MAGI2: variants seen among roughly 807,000 people sequenced by gnomAD.
MAGI2 encodes the protein membrane-associated guanylate kinase, WW and PDZ domain-containing protein 2.
Under a neutral mutation model 133.3 loss-of-function variants are expected in MAGI2, and 35 were observed. That is an observed-to-expected ratio of 0.26 (90% CI 0.20 to 0.35). MAGI2 has a LOEUF of 0.35. MAGI2 is among the 10% of genes least tolerant of loss of function. MAGI2 has a pLI of 1.00. For missense variants in MAGI2, 1,636 were observed against 1,863.4 expected (o/e 0.88, Z 2.25); for synonymous variants, 729 against 710.6 (o/e 1.03, Z -0.41).
intron 1 of MAGI2, among the ~76,000 whole-genome samples, chr7:79,043,960 T>C (rs948423261): frequency 1.3e-5 from 2 of 152,092 alleles, no homozygotes; most frequent in African/African-American, 2.4e-5. Flanking sequence ...GAAAAAGCCC[T>C]GGACTAGATG....
chr7:78,635,236 C>T (rs1199998034), intron 2 of MAGI2, among the ~76,000 whole-genome samples: 4 of 152,180 alleles, frequency 2.6e-5, no homozygotes, highest in African/African-American at 9.7e-5. Flanking sequence ...CTGGGAGTGC[C>T]AATGGAATTT....
intron 2 of MAGI2, among the ~76,000 whole-genome samples, chr7:78,861,441 C>T (rs1326599560): frequency 6.6e-6 from 1 of 152,206 alleles, no homozygotes; most frequent in South Asian, 2.1e-4. Context: ...CCTCTTCTCA[C>T]TTACTCTTCT....
At chr7:79,298,119 A>G (rs1377459178) in intron 1 of MAGI2, among the ~76,000 whole-genome samples, 3 of 152,188 alleles carry the variant, frequency 2.0e-5, no homozygotes, top group African/African-American at 7.2e-5. Flanking sequence ...TCAACATTTT[A>G]TCAGAGAACG....
chr7:79,294,026 T>A (rs1449423158), intron 1 of MAGI2, among the ~76,000 whole-genome samples: 1 of 151,700 alleles, frequency 6.6e-6, no homozygotes, highest in African/African-American at 2.4e-5. Context: ...CTACTTAAAA[T>A]ATAAAAATTA....
chr7:78,703,841 C>T (rs1256341681), intron 2 of MAGI2, among the ~76,000 whole-genome samples: 1 of 151,702 alleles, frequency 6.6e-6, no homozygotes, highest in Non-Finnish European at 1.5e-5. Flanking sequence ...CAAACACACA[C>T]ACACACACTT....
chr7:78,970,349 C>A lies in MAGI2; in HGVS notation c.418+36741G>T, dbSNP rs149265946. 1.9e-3 allele frequency among the ~76,000 whole-genome samples: 292 copies of A among 152,142 alleles called. 3 individuals carry two copies. The highest frequency in any genetic ancestry group is 6.8e-3 in the African/African-American group (282 of 41,538). ...TAAGAGATATTTGTTGAGATTCCAGCAACTTGCCTATGTCTTATTTTGCTT... is the reference window on the plus strand; with the variant it reads ...TAAGAGATATTTGTTGAGATTCCAGAAACTTGCCTATGTCTTATTTTGCTT... On this transcript the variant is annotated intron_variant, in intron 2 of 21. Coordinates refer to ENST00000354212, the MANE Select transcript of MAGI2 (RefSeq NM_012301.4).
intron 1 of MAGI2, chr7:79,415,168 C>T (rs1217194261): frequency 6.6e-6 from 1 of 152,140 alleles, no homozygotes; most frequent in Non-Finnish European, 1.5e-5. Context: ...TAAGAAAAAG[C>T]TATGAATTCA....
At chr7:79,076,727 A>G (rs1487596094) in intron 1 of MAGI2, among the ~76,000 whole-genome samples, 1 of 152,208 alleles carries the variant, frequency 6.6e-6, no homozygotes, top group African/African-American at 2.4e-5. Flanking sequence ...TTCGACCCCT[A>G]AAGAACTAAC....
chr7:79,114,788 C>G (rs1411915649), intron 1 of MAGI2, among the ~76,000 whole-genome samples: 1 of 152,136 alleles, frequency 6.6e-6, no homozygotes, highest in East Asian at 1.9e-4. Context: ...TTCTCACCAC[C>G]ACACTGCTTG....
At chr7:79,398,237 G>C (rs1449491501) in intron 1 of MAGI2, among the ~76,000 whole-genome samples, 1 of 152,128 alleles carries the variant, frequency 6.6e-6, no homozygotes, top group Non-Finnish European at 1.5e-5. Context: ...GTGAAATTAG[G>C]TCATCAGGAG....
chr7:78,795,492 T>C (rs994428320), intron 2 of MAGI2, among the ~76,000 whole-genome samples: 22 of 151,972 alleles, frequency 1.4e-4, no homozygotes, highest in African/African-American at 5.3e-4. Flanking sequence ...ACTTGAGAAG[T>C]GACACATCTC....
chr7:78,292,610 G>T (rs1383899632), intron 9 of MAGI2, among the ~76,000 whole-genome samples: 1 of 152,198 alleles, frequency 6.6e-6, no homozygotes, highest in African/African-American at 2.4e-5. Flanking sequence ...AACCAAAAAA[G>T]AGCCCACATT....
intron 6 of MAGI2, among the ~76,000 whole-genome samples, chr7:78,393,990 A>G (rs1376358520): frequency 6.6e-6 from 1 of 152,096 alleles, no homozygotes; most frequent in Non-Finnish European, 1.5e-5. Context: ...AAGCTAGAGA[A>G]CCAGAAAAGC....
At chr7:78,501,465 C>A in intron 5 of MAGI2, 112 bp downstream of exon 5, 1 of 945,840 alleles carries the variant, frequency 1.1e-6, no homozygotes, top group Non-Finnish European at 1.6e-6. Context: ...AAGCTGTTAC[C>A]AGAATTTCAT....
intron 10 of MAGI2, among the ~76,000 whole-genome samples, chr7:78,233,379 G>C (rs1168090194): frequency 6.6e-6 from 1 of 152,128 alleles, no homozygotes; most frequent in Non-Finnish European, 1.5e-5. Flanking sequence ...GAAGAAATGA[G>C]AAATATTCAT....
At chr7:78,935,889 G>A (rs536342262) in intron 2 of MAGI2, among the ~76,000 whole-genome samples, 186 of 152,162 alleles carry the variant, frequency 1.2e-3, no homozygotes, top group African/African-American at 4.1e-3. Flanking sequence ...TAATGTTCCA[G>A]AATTGCCCAT....
intron 1 of MAGI2, among the ~76,000 whole-genome samples, chr7:79,064,149 G>T (rs1002549709): frequency 6.6e-6 from 1 of 151,872 alleles, no homozygotes; most frequent in Non-Finnish European, 1.5e-5. Flanking sequence ...TGCTTTCTTT[G>T]TACTACAGAG....
At position 78,955,660 on chromosome 7, in the gene MAGI2, C is replaced by T. The variant is rs187563122; in HGVS notation, c.418+51430G>A. Among the ~76,000 whole-genome samples, 12 of 149,628 alleles carry T rather than the reference C, an allele frequency of 8.0e-5. No individual in the cohort carries two copies. The East Asian group carries it at 1.8e-3, about 22-fold the overall frequency. On this transcript the variant is annotated intron_variant, in intron 2 of 21. Coordinates refer to ENST00000354212, the MANE Select transcript of MAGI2 (RefSeq NM_012301.4). ...CTCCTTTTCTCTCTCTCTCTCCCTT[C>T]CTTCTTTCCTTCCTTCCTCCCTCCC...
At chr7:78,111,001 A>G (rs1364476079) in intron 20 of MAGI2, among the ~76,000 whole-genome samples, 2 of 152,204 alleles carry the variant, frequency 1.3e-5, no homozygotes, top group Non-Finnish European at 2.9e-5. Context: ...TCTGATGAAA[A>G]TGGAAAGTAG....
Sources: allele counts gnomAD v4.1 joint callset (sites outside exome capture counted in the v4.1 genomes callset), GRCh38; gene constraint gnomAD v4.1.1; transcripts MANE v1.5; gene names NCBI Gene and HGNC (gene_info 2026-07-23, HGNC 2026-07-21).